The following CLEC18B variants were observed in gnomAD, a reference collection of about 807,000 sequenced individuals.
CLEC18B encodes mannose receptor-like 2.
Under a neutral mutation model 60.4 loss-of-function variants are expected in CLEC18B, and 5 were observed. The observed-to-expected ratio is 0.08, with a 90% CI of 0.04 to 0.17. CLEC18B has a LOEUF of 0.17. Ranked by LOEUF, CLEC18B falls within the 10% of genes least tolerant of loss-of-function variation. The pLI is 1.00. For missense variants in CLEC18B, 26 were observed against 572.8 expected (o/e 0.05, Z 9.74); for synonymous variants, 16 against 221.2 (o/e 0.07, Z 8.23).
At chr16:74,416,072 A>G (rs2013401457) in intron 3 of CLEC18B, among the ~76,000 whole-genome samples, 1 of 152,058 alleles carries the variant, frequency 6.6e-6, no homozygotes, top group Non-Finnish European at 1.5e-5. Context: ...CACCCTGGCT[A>G]ATACGGTGAA....
In CLEC18B at chr16:74,409,622, G is replaced by C. The variant is rs752801841; in HGVS notation, c.1231C>G (p.Leu411Val). The C allele has an allele frequency of 3.7e-6, 6 of 1,614,088 alleles. No individual in the cohort carries two copies. In the South Asian group the frequency reaches 6.6e-5, roughly 18 times the overall value. The stretch of plus-strand genomic sequence containing the variant: ...CAGTTGAAGGCAGCTGAAGCCTGCA[G>C]CTCCACGCAGTTGCCAAACCTGCAG... ...DNHGFGNCVE[L>V]QASAAFNWND... The change falls in exon 11 of 12, where the codon CTG becomes GTG. Residue 411 changes from leucine (L) to valine (V), a missense_variant. Physicochemically the swap from Leu to Val is conservative, Grantham distance 32 (BLOSUM62 1). Coordinates refer to ENST00000682950, the MANE Select transcript of CLEC18B (RefSeq NM_001385193.1).
intron 9 of CLEC18B, 101 bp from the exon 10 acceptor site, chr16:74,410,733 C>A (rs2013103881): frequency 6.2e-7 from 1 of 1,610,974 alleles, no homozygotes; most frequent in Admixed American, 1.7e-5. Context: ...CCATGTGCTC[C>A]CTACCTGGGC....
intron 2 of CLEC18B, among the ~76,000 whole-genome samples, chr16:74,420,046 G>A (rs1382956535): frequency 3.6e-4 from 55 of 152,368 alleles, no homozygotes; most frequent in Non-Finnish European, 4.1e-4. Context: ...GGCAAGGCCC[G>A]TCCTAGTGGC....
Position 74,421,421 on chromosome 16 carries a change from G to T in CLEC18B, c.-151C>A. ...GGCTGGTGAACAAAAGAAGGAGGCT[G>T]GTGAGTGAGTAATCAGTGTGTCCAG... On this transcript the variant is annotated 5_prime_UTR_variant, in exon 1 of 12. Transcript: ENST00000682950. 1 of 1,559,178 alleles carries T rather than the reference G, an allele frequency of 6.4e-7. No homozygotes were observed. The highest frequency in any genetic ancestry group is 8.7e-7 in the Non-Finnish European group (1 of 1,153,680).
chr16:74,416,994 T>C (rs1019260830), intron 3 of CLEC18B, among the ~76,000 whole-genome samples: 3 of 152,048 alleles, frequency 2.0e-5, no homozygotes, highest in Admixed American at 6.6e-5. Context: ...CTGGGTGCGG[T>C]GTCTCACACG....
intron 3 of CLEC18B, among the ~76,000 whole-genome samples, chr16:74,416,338 G>A (rs1180828617): frequency 7.2e-5 from 11 of 152,030 alleles, no homozygotes; most frequent in East Asian, 1.9e-4. Flanking sequence ...CACAGTTGGC[G>A]TAAGCACTTT....
chr16:74,419,703 AC>A (rs1161442069), intron 2 of CLEC18B, among the ~76,000 whole-genome samples: 33 of 149,270 alleles, frequency 2.2e-4, no homozygotes, highest in African/African-American at 7.2e-4. Context: ...GGGAGAAGCG[AC>A]CCCCCGCATT....
intron 2 of CLEC18B, among the ~76,000 whole-genome samples, chr16:74,419,886 C>T (rs1234577772): frequency 5.3e-5 from 8 of 151,262 alleles, no homozygotes; most frequent in African/African-American, 1.7e-4. Context: ...TGCTGGGGTC[C>T]CAGACAATGG....
intron 2 of CLEC18B, among the ~76,000 whole-genome samples, 198 bp from the exon 3 acceptor site, chr16:74,418,496 C>T (rs1185025263): frequency 2.4e-4 from 35 of 147,470 alleles, no homozygotes; most frequent in South Asian, 4.5e-4. Flanking sequence ...GCTCCTCTCA[C>T]GACTGAGCCT....
chr16:74,423,469 A>G (rs2013749938), upstream of CLEC18B, among the ~76,000 whole-genome samples: 1 of 152,422 alleles, frequency 6.6e-6, no homozygotes, highest in East Asian at 1.9e-4. Context: ...CAGGCGGATC[A>G]CTTGAGGTCA....
Position 74,418,194 on chromosome 16 carries a change from G to C in CLEC18B, c.321C>G (p.Gly107=). 1 of 1,594,120 alleles carries C rather than the reference G, an allele frequency of 6.3e-7. No homozygotes were observed. Among genetic ancestry groups the C allele is most frequent in the South Asian group, 1.1e-5 (1 of 90,148 alleles). The change falls in exon 3 of 12, where the codon GGC becomes GGG. Residue 107 remains glycine (G), a synonymous_variant. Transcript: ENST00000682950. ...ASGLWRTLQV[G]WNMQLLPAGL... The stretch of plus-strand genomic sequence containing the variant: ...CCGCGGGCAGCAGCTGCATGTTCCA[G>C]CCCACTTGCAGGGTGCGCCACAGGC...
intron 3 of CLEC18B, among the ~76,000 whole-genome samples, chr16:74,414,450 T>C (rs1459576937): frequency 4.0e-5 from 6 of 151,214 alleles, no homozygotes; most frequent in Non-Finnish European, 7.4e-5. Flanking sequence ...ACAGAAGTGA[T>C]ACTGAGCCGA....
chr16:74,422,896 G>A (rs2013735190), upstream of CLEC18B, among the ~76,000 whole-genome samples: 1 of 147,994 alleles, frequency 6.8e-6, no homozygotes, highest in Non-Finnish European at 1.5e-5. Flanking sequence ...CCAACTCCTG[G>A]GCTCAAGGGA....
intron 2 of CLEC18B, among the ~76,000 whole-genome samples, chr16:74,420,008 G>A (rs2013606701): frequency 6.6e-6 from 1 of 152,294 alleles, no homozygotes; most frequent in Non-Finnish European, 1.5e-5. Flanking sequence ...TGTGGAAAAT[G>A]TGGACGAGTG....
upstream of CLEC18B, chr16:74,422,542 C>G (rs1475810127): frequency 2.0e-5 from 3 of 150,484 alleles, no homozygotes; most frequent in African/African-American, 7.4e-5. Flanking sequence ...TGAAGGCGGT[C>G]TGGAACTGCA....
At chr16:74,410,303 G>A (rs2013075230) in intron 10 of CLEC18B, among the ~76,000 whole-genome samples, 1 of 152,300 alleles carries the variant, frequency 6.6e-6, no homozygotes, top group South Asian at 2.1e-4. Flanking sequence ...TGGACAGATG[G>A]ATGGAGGCTT....
intron 3 of CLEC18B, among the ~76,000 whole-genome samples, chr16:74,417,213 C>T (rs1421725443): frequency 1.4e-5 from 2 of 147,694 alleles, no homozygotes; most frequent in Non-Finnish European, 1.5e-5. Context: ...TCTAGTGAAC[C>T]GAGATCAAGC....
chr16:74,418,580 C>CCA, intron 2 of CLEC18B, among the ~76,000 whole-genome samples: 1 of 147,520 alleles, frequency 6.8e-6, no homozygotes, highest in African/African-American at 2.5e-5. Flanking sequence ...TGTCTTTCTC[C>CCA]CATCTGGTCA....
upstream of CLEC18B, chr16:74,422,000 C>G (rs1472212290): frequency 4.1e-5 from 6 of 145,428 alleles, no homozygotes; most frequent in African/African-American, 1.5e-4. Context: ...TGCCCACCAC[C>G]CTCACCCACG....
Sources: allele counts gnomAD v4.1 joint callset (sites outside exome capture counted in the v4.1 genomes callset), GRCh38; gene constraint gnomAD v4.1.1; transcripts MANE v1.5; gene names NCBI Gene and HGNC (gene_info 2026-07-23, HGNC 2026-07-21).